The following ANK2 variants were observed in gnomAD, a reference collection of about 807,000 sequenced individuals.
ANK2 encodes the protein ankyrin 2, also known as ankyrin-2.
Under a neutral mutation model 360.5 loss-of-function variants are expected in ANK2, and 83 were observed. The ratio of observed to expected loss-of-function variants is 0.23; its 90% confidence interval spans 0.19 to 0.28. The LOEUF (loss-of-function observed/expected upper bound fraction) is 0.28, where lower values mean the gene tolerates loss of function less well. Ranked by LOEUF, ANK2 falls within the 10% of genes least tolerant of loss-of-function variation. The probability of loss-of-function intolerance (pLI) is 1.00; values close to 1 mark genes in which losing one functional copy is unlikely to be tolerated. For missense variants in ANK2, 4,201 were observed against 4,795.7 expected (o/e 0.88, Z 3.66); for synonymous variants, 1,740 against 1,759.5 (o/e 0.99, Z 0.28).
At chr4:113,292,625 C>T (rs1204494413) in intron 21 of ANK2, 111 bp downstream of exon 21, 1 of 1,181,456 alleles carries the variant, frequency 8.5e-7, no homozygotes, top group Admixed American at 2.0e-5. Flanking sequence ...TAAATAAGCC[C>T]CCTGGACTCT....
chr4:113,189,496 G>A (rs1348400858), intron 2 of ANK2, among the ~76,000 whole-genome samples: 2 of 152,176 alleles, frequency 1.3e-5, no homozygotes, highest in African/African-American at 2.4e-5. Flanking sequence ...GTTTTAGTAT[G>A]TGAATACTTG....
chr4:112,732,740 G>A, the ANK2 span, among the ~76,000 whole-genome samples: 4 of 152,210 alleles, frequency 2.6e-5, no homozygotes, highest in East Asian at 7.7e-4. Flanking sequence ...CAAACAATGT[G>A]GTCTACCCTG....
rs200885271 is a variant in ANK2, at chr4:112,850,249, CATCTATCTATCT to C, written c.-40+32027_-40+32038del. Among the ~76,000 whole-genome samples, 799 of 139,342 alleles carry C rather than the reference CATCTATCTATCT, an allele frequency of 5.7e-3. 7 individuals are homozygous for C. The highest frequency in any genetic ancestry group is 0.039 in the East Asian group (178 of 4,618). The allele number at this position is 139,342 out of a possible 152,430, so 91.4% of individuals were successfully genotyped here. A position where few individuals can be genotyped will look rare whatever the true frequency, so the allele number is the denominator to read the frequency against. On this transcript the variant is annotated intron_variant, in intron 1 of 30. Coordinates refer to the ANK2 transcript ENST00000503271. Reference sequence around the variant, plus strand: ...GTGAACCAGTTTCCATAAGAAATTTCATCTATCTATCTATCTATCTATCTATCTATCTATCTA... The same window carrying C: ...GTGAACCAGTTTCCATAAGAAATTTCATCTATCTATCTATCTATCTATCTA...
intron 1 of ANK2, among the ~76,000 whole-genome samples, chr4:112,895,239 A>T (rs542736196): frequency 6.6e-6 from 1 of 152,318 alleles, no homozygotes; most frequent in South Asian, 2.1e-4. Context: ...AAAACTACAG[A>T]TGGCACCAAA....
intron 1 of ANK2, among the ~76,000 whole-genome samples, chr4:113,085,991 G>A (rs1309485187): frequency 6.6e-6 from 1 of 152,116 alleles, no homozygotes; most frequent in Non-Finnish European, 1.5e-5. Flanking sequence ...TTAACTTCAA[G>A]TCCCCATAGG....
At chr4:112,756,210 C>G in the ANK2 span, among the ~76,000 whole-genome samples, 1 of 146,686 alleles carries the variant, frequency 6.8e-6, no homozygotes, top group Non-Finnish European at 1.5e-5. Context: ...TGCACTTCAG[C>G]CTGGGTGACA....
chr4:112,821,287 G>A (rs1441227856), intron 1 of ANK2, among the ~76,000 whole-genome samples: 3 of 152,046 alleles, frequency 2.0e-5, no homozygotes, highest in African/African-American at 7.2e-5. Context: ...GGGCTCAAAT[G>A]ATCCTACTGT....
upstream of ANK2, chr4:113,049,639 T>G: frequency 8.1e-7 from 1 of 1,232,494 alleles, no homozygotes; most frequent in Non-Finnish European, 1.1e-6. Flanking sequence ...CTCCTCCTCC[T>G]GCTTTCCTCC....
chr4:112,990,971 G>A (rs183897191), intron 2 of ANK2, among the ~76,000 whole-genome samples: 3 of 152,086 alleles, frequency 2.0e-5, no homozygotes, highest in African/African-American at 7.2e-5. Context: ...ATCCTATTGG[G>A]CAAGGCTCAG....
intron 4 of ANK2, among the ~76,000 whole-genome samples, chr4:113,212,458 T>G (rs1179312586): frequency 6.6e-6 from 1 of 152,212 alleles, no homozygotes; most frequent in African/African-American, 2.4e-5. Flanking sequence ...ACTCTTTATT[T>G]CTACTCTTAA....
chr4:113,059,059 G>A (rs313982), intron 1 of ANK2, among the ~76,000 whole-genome samples: 35,859 of 152,058 alleles, frequency 0.24, 6,263 homozygotes, highest in African/African-American at 0.49. Flanking sequence ...CAGCCTTCTG[G>A]GGCGTCTTTT....
chr4:113,299,751 T>C (rs1194025286), intron 22 of ANK2, among the ~76,000 whole-genome samples: 1 of 151,340 alleles, frequency 6.6e-6, no homozygotes, highest in East Asian at 1.9e-4. Flanking sequence ...AGTAGGGTAG[T>C]CTCTATGTTA....
At chr4:113,207,724 A>G (rs2098970475) in intron 4 of ANK2, among the ~76,000 whole-genome samples, 1 of 151,192 alleles carries the variant, frequency 6.6e-6, no homozygotes, top group Non-Finnish European at 1.5e-5. Flanking sequence ...TAAAAACATG[A>G]CACGAATTAA....
At chr4:113,345,870 G>T (rs755440970) in intron 34 of ANK2, 30 bp from the exon 35 acceptor site, 5 of 1,612,244 alleles carry the variant, frequency 3.1e-6, no homozygotes, top group East Asian at 2.2e-5. Context: ...ATCAAATGTG[G>T]GTGAAGCATG....
chr4:112,895,794 T>G (rs2081559811), intron 1 of ANK2, among the ~76,000 whole-genome samples: 1 of 152,230 alleles, frequency 6.6e-6, no homozygotes, highest in South Asian at 2.1e-4. Context: ...CCTGAGTATT[T>G]ATAAATTCCA....
chr4:113,092,747 G>A (rs2089108115), intron 1 of ANK2, among the ~76,000 whole-genome samples: 1 of 152,122 alleles, frequency 6.6e-6, no homozygotes, highest in Non-Finnish European at 1.5e-5. Flanking sequence ...ATGAGGTAAT[G>A]AGTGTAAAAT....
chr4:113,368,523 AT>A (rs1433043940), intron 42 of ANK2, among the ~76,000 whole-genome samples: 4 of 152,226 alleles, frequency 2.6e-5, no homozygotes, highest in Non-Finnish European at 5.9e-5. Flanking sequence ...TTGGCTCAGA[AT>A]TTAAGTTCCG....
intron 2 of ANK2, among the ~76,000 whole-genome samples, chr4:113,036,005 T>TC (rs2061505384): frequency 6.6e-6 from 1 of 151,982 alleles, no homozygotes; most frequent in African/African-American, 2.4e-5. Context: ...TCAGCATTTC[T>TC]TTGTTCCTTC....
intron 1 of ANK2, among the ~76,000 whole-genome samples, chr4:113,101,788 A>G (rs1013703193): frequency 1.3e-5 from 2 of 152,132 alleles, no homozygotes; most frequent in African/African-American, 4.8e-5. Context: ...GTTTGGCTTG[A>G]GTTGGGAATG....
Sources: allele counts gnomAD v4.1 joint callset (sites outside exome capture counted in the v4.1 genomes callset), GRCh38; gene constraint gnomAD v4.1.1; transcripts MANE v1.5; gene names NCBI Gene and HGNC (gene_info 2026-07-23, HGNC 2026-07-21).